Variants in RALYL observed in about 807,000 individuals in gnomAD.
RALYL encodes the protein RALY RNA binding protein like.
Under a neutral mutation model 35.1 loss-of-function variants are expected in RALYL, and 29 were observed. The observed-to-expected ratio is 0.83, with a 90% CI of 0.61 to 1.13. RALYL has a LOEUF of 1.13. RALYL is among the 50% of genes most tolerant of loss of function. The pLI is 0.00. For synonymous variants in RALYL, 120 were observed against 127.6 expected, an observed-to-expected ratio of 0.94 and a Z score of 0.40; for missense variants, 359 against 360.4, an observed-to-expected ratio of 1.00 and a Z score of 0.03.
intron 2 of RALYL, among the ~76,000 whole-genome samples, chr8:84,595,375 C>T (rs1814254948): frequency 6.6e-6 from 1 of 152,078 alleles, no homozygotes; most frequent in African/African-American, 2.4e-5. Flanking sequence ...GAGTGAATAT[C>T]TCAAAGTGAA....
chr8:84,754,482 T>C (rs906536488), intron 2 of RALYL, among the ~76,000 whole-genome samples: 2 of 152,120 alleles, frequency 1.3e-5, no homozygotes, highest in African/African-American at 4.8e-5. Flanking sequence ...TCCTTTCACT[T>C]CTCCAGGTAG....
chr8:84,742,441 T>C (rs16913182), intron 2 of RALYL, among the ~76,000 whole-genome samples: 1,721 of 152,080 alleles, frequency 0.011, 38 homozygotes, highest in African/African-American at 0.039. Context: ...TGGAAGTTAG[T>C]TGGACCAAAA....
In RALYL at chr8:84,266,720, G is replaced by A. The variant is rs112659916; in HGVS notation, c.-24+82296G>A. Among the ~76,000 whole-genome samples the A allele has an allele frequency of 2.4e-3, 369 of 152,234 alleles. 2 individuals are homozygous for A. The highest frequency in any genetic ancestry group is 8.6e-3 in the African/African-American group (357 of 41,558). On this transcript the variant is annotated intron_variant, in intron 1 of 8. Coordinates refer to ENST00000521268, the MANE Select transcript of RALYL (RefSeq NM_173848.7). Reference sequence around the variant, plus strand: ...TCACGCCTGTAATCCCAGCACTTTGGGAGGCCGAGGCGGGCGGATCACGAG... The same window carrying A: ...TCACGCCTGTAATCCCAGCACTTTGAGAGGCCGAGGCGGGCGGATCACGAG...
chr8:84,244,417 T>A (rs1041242462), intron 1 of RALYL, among the ~76,000 whole-genome samples: 1 of 152,190 alleles, frequency 6.6e-6, no homozygotes, highest in Admixed American at 6.6e-5. Context: ...CCTTTTTACA[T>A]TTATCTGAAT....
At chr8:84,774,204 G>A (rs1442028360) in intron 2 of RALYL, among the ~76,000 whole-genome samples, 1 of 152,166 alleles carries the variant, frequency 6.6e-6, no homozygotes, top group Non-Finnish European at 1.5e-5. Flanking sequence ...GGGCGACAGA[G>A]CAAAACCCTG....
chr8:84,814,011 A>T (rs893291690), intron 4 of RALYL, among the ~76,000 whole-genome samples: 1 of 148,430 alleles, frequency 6.7e-6, no homozygotes, highest in African/African-American at 2.5e-5. Context: ...TTGGTTTTTT[A>T]TCCTTGCGAT....
intron 1 of RALYL, among the ~76,000 whole-genome samples, chr8:84,359,128 A>G (rs192742299): frequency 2.6e-5 from 4 of 152,090 alleles, no homozygotes; most frequent in Admixed American, 2.6e-4. Context: ...TAAAGAAAAT[A>G]TTATTTCTCC....
At chr8:84,517,337 A>G (rs542040014) in intron 1 of RALYL, among the ~76,000 whole-genome samples, 17 of 152,290 alleles carry the variant, frequency 1.1e-4, no homozygotes, top group African/African-American at 4.1e-4. Flanking sequence ...GTGATACCCA[A>G]AGGCTAGGTC....
chr8:84,485,660 C>T (rs2054534877), intron 1 of RALYL, among the ~76,000 whole-genome samples: 1 of 152,120 alleles, frequency 6.6e-6, no homozygotes, highest in Admixed American at 6.6e-5. Flanking sequence ...CAGTTGATGG[C>T]AATTCCATTT....
chr8:84,638,425 C>G (rs1286795604), intron 2 of RALYL, among the ~76,000 whole-genome samples: 2 of 151,648 alleles, frequency 1.3e-5, no homozygotes, highest in Non-Finnish European at 2.9e-5. Flanking sequence ...TAAACCAAAC[C>G]CAAACCCAGT....
intron 4 of RALYL, among the ~76,000 whole-genome samples, chr8:84,843,650 A>G (rs201966149): frequency 8.5e-5 from 13 of 152,234 alleles, no homozygotes; most frequent in East Asian, 7.7e-4. Flanking sequence ...AAAAGAGCCC[A>G]CATTGCCAAG....
intron 8 of RALYL, among the ~76,000 whole-genome samples, chr8:84,900,006 A>G (rs1164798969): frequency 6.6e-6 from 1 of 152,236 alleles, no homozygotes; most frequent in African/African-American, 2.4e-5. Context: ...CAACGTGATC[A>G]TTAAAAAACA....
intron 1 of RALYL, among the ~76,000 whole-genome samples, chr8:84,425,757 C>A (rs889153849): frequency 5.3e-5 from 8 of 150,368 alleles, no homozygotes; most frequent in African/African-American, 2.0e-4. Flanking sequence ...ATTGCAGCAT[C>A]AATTTTTAGA....
chr8:84,560,199 A>C (rs2061388663), intron 2 of RALYL, among the ~76,000 whole-genome samples: 1 of 152,004 alleles, frequency 6.6e-6, no homozygotes, highest in Non-Finnish European at 1.5e-5. Context: ...GAGAGTGTCC[A>C]AATATCTGTG....
At chr8:84,436,250 C>A (rs527398130) in intron 1 of RALYL, among the ~76,000 whole-genome samples, 1 of 152,050 alleles carries the variant, frequency 6.6e-6, no homozygotes, top group African/African-American at 2.4e-5. Flanking sequence ...CTCCAGAATG[C>A]TGACAGCTGA....
At chr8:84,383,361 A>C (rs1338410758) in intron 1 of RALYL, among the ~76,000 whole-genome samples, 1 of 151,806 alleles carries the variant, frequency 6.6e-6, no homozygotes, top group African/African-American at 2.4e-5. Context: ...GCTTACAAAA[A>C]GAAATATTTG....
intron 1 of RALYL, among the ~76,000 whole-genome samples, chr8:84,306,672 A>G (rs1187963449): frequency 6.6e-6 from 1 of 152,188 alleles, no homozygotes; most frequent in East Asian, 1.9e-4. Flanking sequence ...AGGAGCTGAC[A>G]CTGCTTGACA....
At chr8:84,422,092 T>A (rs2132420387) in intron 1 of RALYL, among the ~76,000 whole-genome samples, 1 of 151,210 alleles carries the variant, frequency 6.6e-6, no homozygotes, top group African/African-American at 2.4e-5. Context: ...TCCCTCTTTT[T>A]CTATTGATTG....
At chr8:84,645,524 A>C (rs1827300680) in intron 2 of RALYL, among the ~76,000 whole-genome samples, 1 of 151,632 alleles carries the variant, frequency 6.6e-6, no homozygotes, top group African/African-American at 2.4e-5. Flanking sequence ...CTCCTTTTCC[A>C]TGTTTTCTTT....
Sources: gnomAD v4.1 joint callset for allele counts (sites outside exome capture counted in the v4.1 genomes callset) on GRCh38, gnomAD v4.1.1 for gene constraint, MANE v1.5 for transcripts, NCBI Gene and HGNC (gene_info 2026-07-23, HGNC 2026-07-21) for gene names.